NEUROD6: variants seen among roughly 807,000 people sequenced by gnomAD.
NEUROD6 encodes neurogenic differentiation factor 6.
A neutral mutation model predicts 24.1 loss-of-function variants in NEUROD6; 5 were observed. The observed-to-expected ratio is 0.21, with a 90% CI of 0.11 to 0.44. NEUROD6 has a LOEUF of 0.44. Ranked by LOEUF, NEUROD6 falls within the 20% of genes least tolerant of loss-of-function variation. NEUROD6 has a pLI of 0.99. For missense variants in NEUROD6, 325 were observed against 409.5 expected (o/e 0.79, Z 1.78); for synonymous variants, 182 against 154.1 (o/e 1.18, Z -1.34).
At chr7:31,340,372 A>G (rs1783109604) in intron 1 of NEUROD6, among the ~76,000 whole-genome samples, 1 of 152,234 alleles carries the variant, frequency 6.6e-6, no homozygotes, top group Non-Finnish European at 1.5e-5. Flanking sequence ...CTCAACACAC[A>G]CATATACACA....
In NEUROD6 at chr7:31,338,192, C is replaced by T. The variant is rs1783087450; in HGVS notation, c.*63G>A. 2 of 1,361,288 alleles carry T rather than the reference C, an allele frequency of 1.5e-6. No homozygotes were observed. Among genetic ancestry groups the T allele is most frequent in the Admixed American group, 1.8e-5 (1 of 54,690 alleles). The allele number at this position is 1,361,288 out of a possible 1,614,324, so 84.3% of individuals were successfully genotyped here. On this transcript the variant is annotated 3_prime_UTR_variant, in exon 2 of 2. Transcript: ENST00000297142. The surrounding 1 kb of genome is among the most constrained non-coding windows in gnomAD (Gnocchi z 5.1). ...TTGTGCCAATTACTCAGCCCACAAG[C>T]ATCTGCTTTGTCTTAATTAGACAGG...
At position 31,338,256 on chromosome 7, in the gene NEUROD6, T is replaced by A. The variant is rs1178793051; in HGVS notation, c.1013A>T (p.Ter338LeuextTer1). ...CACTGTTTATTTTCATTTTCCTCAT[T>A]AATTATGAAAAACTGCATTTAATTC... The part of the protein sequence containing the change: ...QDELNAVFHN[*>L] The change falls in exon 2 of 2, where the codon TAA becomes TTA. Residue 338 changes from the stop codon to leucine, a stop_lost. Coordinates refer to ENST00000297142, the MANE Select transcript of NEUROD6 (RefSeq NM_022728.4). The surrounding 1 kb of genome is among the most constrained non-coding windows in gnomAD (Gnocchi z 5.1). 6.2e-7 allele frequency: 1 copy of A among 1,611,068 alleles called. No individual in the cohort carries two copies. The highest frequency in any genetic ancestry group is 1.1e-5 in the South Asian group (1 of 91,042).
Position 31,338,979 on chromosome 7 carries a change from T to A in NEUROD6, c.290A>T (p.Gln97Leu). Residue 97 changes from glutamine to leucine, a missense_variant, in exon 2 of 2, where the codon CAG becomes CTG. By Grantham distance (113) the Gln-to-Leu change is moderately radical. This residue lies in a region of NEUROD6 where 41 missense variants were observed against 100.9 expected (regional missense o/e 0.41). Transcript: ENST00000297142. This position sits in a 1 kb window ranked among gnomAD's most constrained non-coding sequence, Gnocchi z 5.1. ...LRLERVKFRR[Q>L]EANARERNRM... ...GTTCCTCTCGCGCGCGTTCGCTTCC[T>A]GTCTCCTGAACTTGACCCTTTCCAA... 4.3e-6 allele frequency: 7 copies of A among 1,614,118 alleles called. No homozygotes were observed. Among genetic ancestry groups the A allele is most frequent in the Non-Finnish European group, 5.9e-6 (7 of 1,180,020 alleles).
chr7:31,339,289 C>T lies in NEUROD6; in HGVS notation c.-21G>A, dbSNP rs540463052. Reference sequence around the variant, plus strand: ...AACATGGTTCTCTAATCTTAAATTACCTGAAAAAATGCCAGCACAATATTT... The same window carrying T: ...AACATGGTTCTCTAATCTTAAATTATCTGAAAAAATGCCAGCACAATATTT... On this transcript the variant is annotated splice_region_variant and 5_prime_UTR_variant, in exon 2 of 2. Coordinates refer to ENST00000297142, the MANE Select transcript of NEUROD6 (RefSeq NM_022728.4). 11 of 1,559,560 alleles carry T rather than the reference C, an allele frequency of 7.1e-6. No individual in the cohort carries two copies. In the Admixed American group the frequency reaches 2.1e-4, roughly 30 times the overall value.
In NEUROD6 at chr7:31,339,053, C is replaced by A. The variant is rs377069346; in HGVS notation, c.216G>T (p.Gly72=). The A allele has an allele frequency of 1.2e-6, 2 of 1,614,008 alleles. No individual in the cohort carries two copies. The highest frequency in any genetic ancestry group is 1.7e-5 in the Admixed American group (1 of 60,012). The change falls in exon 2 of 2, where the codon GGG becomes GGT. Residue 72 remains glycine, a synonymous_variant. Coordinates refer to ENST00000297142, the MANE Select transcript of NEUROD6 (RefSeq NM_022728.4). ...TCCTAAGACCCCTCCTTCTAGGCAA[C>A]CCATTTTCATCTTCCTCTTCCCTGT... ...EEDREEEDEN[G]LPRRRGLRKK...
rs756333502 is a variant in NEUROD6, at chr7:31,338,428, A to C, written c.841T>G (p.Tyr281Asp). The change falls in exon 2 of 2, where the codon TAT becomes GAT. Residue 281 changes from tyrosine (Y) to aspartate (D), a missense_variant. Coordinates refer to ENST00000297142, the MANE Select transcript of NEUROD6 (RefSeq NM_022728.4). This position sits in a 1 kb window ranked among gnomAD's most constrained non-coding sequence, Gnocchi z 5.1. ...FSLKQEETLD[Y>D]GKNYNYGMHY... ...ATGCCGTAATTGTAATTTTTACCAT[A>C]GTCCAAGGTTTCTTCTTGCTTCAGG... 6.2e-7 allele frequency: 1 copy of C among 1,614,122 alleles called. No individual in the cohort carries two copies. The highest frequency in any genetic ancestry group is 1.1e-5 in the South Asian group (1 of 91,070).
Position 31,339,072 on chromosome 7 carries a change from T to A in NEUROD6, c.197A>T (p.Glu66Val). 6.2e-7 allele frequency: 1 copy of A among 1,614,072 alleles called. No homozygotes were observed. The change falls in exon 2 of 2, where the codon GAA becomes GTA. Residue 66 changes from glutamate to valine, a missense_variant. Around this residue, in one of 3 missense-constraint regions of NEUROD6, gnomAD observed 109 missense variants for 107.3 expected, o/e 1.02. Coordinates refer to ENST00000297142, the MANE Select transcript of NEUROD6 (RefSeq NM_022728.4). ...AGGCAACCCATTTTCATCTTCCTCT[T>A]CCCTGTCTTCCTCCTCTTCTTCTTT... ...TEKEEEEEDR[E>V]EEDENGLPRR...
chr7:31,339,320 G>GT, intron 1 of NEUROD6, 31 bp from the exon 2 acceptor site: 2 of 1,492,272 alleles, frequency 1.3e-6, no homozygotes, highest in Non-Finnish European at 1.8e-6. Context: ...TATTTAAAGA[G>GT]TTTTCATTTT....
Position 31,338,567 on chromosome 7 carries a change from G to A in NEUROD6, c.702C>T (p.Tyr234=). 6.2e-7 allele frequency: 1 copy of A among 1,614,144 alleles called. No homozygotes were observed. The highest frequency in any genetic ancestry group is 2.2e-5 in the East Asian group (1 of 44,878). ...TLDNSKSMKP[Y]NYCSAYESFY... ...AGGATTCATACGCACTGCAATAATT[G>A]TAGGGTTTCATGGACTTGGAATTAT... is the stretch of plus-strand genomic sequence containing the variant. The change falls in exon 2 of 2, where the codon TAC becomes TAT. Residue 234 remains tyrosine, a synonymous_variant. Transcript: ENST00000297142. The surrounding 1 kb of genome is among the most constrained non-coding windows in gnomAD (Gnocchi z 5.1).
In NEUROD6 at chr7:31,337,880, T is replaced by A. The variant is rs576522078; in HGVS notation, c.*375A>T. On this transcript the variant is annotated 3_prime_UTR_variant, in exon 2 of 2. Coordinates refer to ENST00000297142, the MANE Select transcript of NEUROD6 (RefSeq NM_022728.4). ...CATCATTTTACTCATCTGGTTTTAA[T>A]AACATGCATTTTATAATTACTGTAC... is the stretch of plus-strand genomic sequence containing the variant. The A allele has an allele frequency of 5.9e-6, 1 of 169,290 alleles. No homozygotes were observed. The highest frequency in any genetic ancestry group is 1.6e-4 in the East Asian group (1 of 6,264). 10.5% of individuals were successfully genotyped at this position (169,290 alleles called of 1,614,324 possible).
Position 31,338,819 on chromosome 7 carries a change from C to T in NEUROD6, c.450G>A (p.Leu150=). The T allele has an allele frequency of 6.8e-6, 11 of 1,614,162 alleles. No homozygotes were observed. The highest frequency in any genetic ancestry group is 9.3e-6 in the Non-Finnish European group (11 of 1,180,026). The change falls in exon 2 of 2, where the codon CTG becomes CTA. Residue 150 remains leucine, a synonymous_variant. Coordinates refer to ENST00000297142, the MANE Select transcript of NEUROD6 (RefSeq NM_022728.4). This position sits in a 1 kb window ranked among gnomAD's most constrained non-coding sequence, Gnocchi z 5.1. The part of the protein sequence containing the change: ...KNYIWALSEI[L]RIGKRPDLLT... ...GCAGATCTGGTCTCTTGCCGATTCT[C>T]AGAATTTCAGAAAGTGCCCAGATGT...
At chr7:31,339,320 G>T (rs766355622) in intron 1 of NEUROD6, 31 bp from the exon 2 acceptor site, 6 of 1,492,272 alleles carry the variant, frequency 4.0e-6, no homozygotes, top group Non-Finnish European at 5.4e-6. Context: ...TATTTAAAGA[G>T]TTTTCATTTT....
chr7:31,340,019 T>TA (rs34721175), intron 1 of NEUROD6, among the ~76,000 whole-genome samples: 17,620 of 151,996 alleles, frequency 0.12, 1,128 homozygotes, highest in Non-Finnish European at 0.15. Flanking sequence ...TTCTTTTAAT[T>TA]AAAAAAAATA....
At chr7:31,339,311 ATT>A in intron 1 of NEUROD6, 22 bp from the exon 2 acceptor site, 3 of 1,530,836 alleles carry the variant, frequency 2.0e-6, no homozygotes, top group Non-Finnish European at 2.6e-6. Flanking sequence ...CCAGCACAAT[ATT>A]TAAAGAGTTT....
At position 31,338,899 on chromosome 7, in the gene NEUROD6, A is replaced by T. The variant is rs1216702872; in HGVS notation, c.370T>A (p.Tyr124Asn). The part of the protein sequence containing the change: ...LDNLRKVVPC[Y>N]SKTQKLSKIE... ...TTGGACAGTTTCTGGGTTTTAGAAT[A>T]ACAGGGGACCACTTTTCTTAAGTTG... Residue 124 changes from tyrosine to asparagine, a missense_variant, in exon 2 of 2, where the codon TAT (tyrosine) becomes AAT (asparagine). Physicochemically the swap from Tyr to Asn is moderately radical, Grantham distance 143. Around this residue, in one of 3 missense-constraint regions of NEUROD6, gnomAD observed 41 missense variants for 100.9 expected, o/e 0.41. Transcript: ENST00000297142. The surrounding 1 kb of genome is among the most constrained non-coding windows in gnomAD (Gnocchi z 5.1). 2 of 1,614,086 alleles carry T rather than the reference A, an allele frequency of 1.2e-6. No individual in the cohort carries two copies. The highest frequency in any genetic ancestry group is 2.7e-5 in the African/African-American group (2 of 74,926).
At chr7:31,340,567 T>C (rs1012490109) in intron 1 of NEUROD6, 26 bp downstream of exon 1, 4 of 152,274 alleles carry the variant, frequency 2.6e-5, no homozygotes, top group African/African-American at 7.2e-5. Context: ...CCAGCATCAA[T>C]TGAAGTATAT....
At chr7:31,339,936 A>G (rs966711925) in intron 1 of NEUROD6, among the ~76,000 whole-genome samples, 1 of 152,216 alleles carries the variant, frequency 6.6e-6, no homozygotes, top group Non-Finnish European at 1.5e-5. Context: ...CCAGGCTTCA[A>G]AAAGAAAAGG....
Position 31,338,705 on chromosome 7 carries a change from G to T in NEUROD6, c.564C>A (p.Phe188Leu). 3.1e-6 allele frequency: 5 copies of T among 1,614,092 alleles called. No homozygotes were observed. Among genetic ancestry groups the T allele is most frequent in the Non-Finnish European group, 4.2e-6 (5 of 1,180,014 alleles). ...AGCLQLNARS[F>L]LMGQGGEAAH... ...CAGCCTCCCCACCCTGACCCATCAG[G>T]AAACTCCTGGCGTTGAGCTGCAAGC... is the stretch of plus-strand genomic sequence containing the variant. The change falls in exon 2 of 2, where the codon TTC (phenylalanine) becomes TTA (leucine). Residue 188 changes from phenylalanine to leucine, a missense_variant. Physicochemically the swap from Phe to Leu is conservative, Grantham distance 22. Coordinates refer to ENST00000297142, the MANE Select transcript of NEUROD6 (RefSeq NM_022728.4). The surrounding 1 kb of genome is among the most constrained non-coding windows in gnomAD (Gnocchi z 5.1).
At chr7:31,339,893 C>T (rs917707292) in intron 1 of NEUROD6, among the ~76,000 whole-genome samples, 5 of 151,862 alleles carry the variant, frequency 3.3e-5, no homozygotes, top group African/African-American at 1.2e-4. Context: ...TTTTTCTGAT[C>T]AGTAAAGAAT....
Sources: gnomAD v4.1 joint callset for allele counts (sites outside exome capture counted in the v4.1 genomes callset) on GRCh38, gnomAD v4.1.1 for gene constraint, gnomAD v4.1.1 regional missense constraint, Gnocchi (gnomAD v3.1) non-coding constraint, MANE v1.5 for transcripts, NCBI Gene and HGNC (gene_info 2026-07-23, HGNC 2026-07-21) for gene names.